Variants in MAGI2 observed in about 807,000 individuals in gnomAD.
MAGI2 encodes the protein membrane-associated guanylate kinase, WW and PDZ domain-containing protein 2.
Under a neutral mutation model 133.3 loss-of-function variants are expected in MAGI2, and 35 were observed. The ratio of observed to expected loss-of-function variants is 0.26; its 90% CI spans 0.20 to 0.35. MAGI2 has a LOEUF of 0.35. Ranked by LOEUF, MAGI2 falls within the 10% of genes least tolerant of loss-of-function variation. The pLI is 1.00. For missense variants in MAGI2, 1,636 were observed against 1,863.4 expected (o/e 0.88, Z 2.25); for synonymous variants, 729 against 710.6 (o/e 1.03, Z -0.41).
intron 1 of MAGI2, among the ~76,000 whole-genome samples, chr7:79,054,696 T>G (rs930547347): frequency 6.6e-6 from 1 of 152,222 alleles, no homozygotes; most frequent in African/African-American, 2.4e-5. Flanking sequence ...GCTTTTAGTC[T>G]CTGAAAAACC....
At chr7:78,456,524 A>T (rs1482742524) in intron 6 of MAGI2, among the ~76,000 whole-genome samples, 1 of 152,198 alleles carries the variant, frequency 6.6e-6, no homozygotes, top group African/African-American at 2.4e-5. Context: ...CATTACTAAG[A>T]CCCAATCTAT....
At chr7:78,546,960 A>C (rs1417908046) in intron 3 of MAGI2, among the ~76,000 whole-genome samples, 1 of 152,182 alleles carries the variant, frequency 6.6e-6, no homozygotes, top group Non-Finnish European at 1.5e-5. Flanking sequence ...CCAAGACTTG[A>C]AGTATTAACA....
chr7:78,575,545 T>A (rs1802179772), intron 3 of MAGI2, among the ~76,000 whole-genome samples: 1 of 152,150 alleles, frequency 6.6e-6, no homozygotes, highest in Admixed American at 6.6e-5. Flanking sequence ...GGAAATCACC[T>A]TACAGTAAAG....
At chr7:78,557,571 A>T (rs114663490) in intron 3 of MAGI2, among the ~76,000 whole-genome samples, 2,935 of 152,074 alleles carry the variant, frequency 0.019, 99 homozygotes, top group African/African-American at 0.068. Flanking sequence ...GGGCTTCTCC[A>T]CTCTTCTAGC....
intron 1 of MAGI2, among the ~76,000 whole-genome samples, chr7:79,346,736 A>C (rs1355310896): frequency 1.3e-5 from 2 of 151,902 alleles, no homozygotes; most frequent in African/African-American, 4.8e-5. Flanking sequence ...AATACTTTCC[A>C]TTCCTATGGC....
chr7:79,223,797 T>G (rs1294677753), intron 1 of MAGI2, among the ~76,000 whole-genome samples: 1 of 152,088 alleles, frequency 6.6e-6, no homozygotes, highest in Non-Finnish European at 1.5e-5. Flanking sequence ...ACCTCTATTC[T>G]TCTCATTACA....
In MAGI2 at chr7:78,909,724, G is replaced by A. The variant is rs1012523393; in HGVS notation, c.418+97366C>T. 2.1e-4 allele frequency among the ~76,000 whole-genome samples: 32 copies of A among 151,904 alleles called. 2 individuals are homozygous for A. ...ATTAGTTCAACCATTGTGGAAGACA[G>A]TGTGATTTCTCAAGGACCTAGAACC... is the stretch of plus-strand genomic sequence containing the variant. On this transcript the variant is annotated intron_variant, in intron 2 of 21. Transcript: ENST00000354212.
Position 79,010,262 on chromosome 7 carries a change from A to ATATG in MAGI2, c.302-3060_302-3057dup, listed in dbSNP as rs574717986. 3.2e-4 allele frequency among the ~76,000 whole-genome samples: 48 copies of ATATG among 151,910 alleles called. No individual in the cohort carries two copies. In the South Asian group the frequency reaches 4.1e-3, roughly 13 times the overall value. On this transcript the variant is annotated intron_variant, in intron 1 of 21. Transcript: ENST00000354212. The stretch of plus-strand genomic sequence containing the variant: ...ATGTATGTATGTGTGATACATGTGT[A>ATATG]TATGTATGTATGTATGTATATATAA...
Position 78,468,249 on chromosome 7 carries a change from A to G in MAGI2, c.1045+21512T>C, listed in dbSNP as rs966068267. ...GAAAGATTCTATAACATAACCTGAC[A>G]CATAGTAGAGAAATAATGGTTCCCT... On this transcript the variant is annotated intron_variant, in intron 6 of 21. Transcript: ENST00000354212. Among the ~76,000 whole-genome samples, 121 of 152,290 alleles carry G rather than the reference A, an allele frequency of 7.9e-4. 1 individual carries two copies. The highest frequency in any genetic ancestry group is 2.6e-3 in the African/African-American group (109 of 41,578).
In MAGI2 at chr7:78,125,880, A is replaced by G. The variant is rs2023946; in HGVS notation, c.3424-43T>C. On this transcript the variant is annotated intron_variant, in intron 19 of 21. Coordinates refer to ENST00000354212, the MANE Select transcript of MAGI2 (RefSeq NM_012301.4). ...AAATGGAATAAATAATTATTTAGTT[A>G]TCAGAGAAGCTTCTGTGGCTAGTCT... The G allele has an allele frequency of 0.23, 370,596 of 1,589,500 alleles. 43,631 individuals are homozygous for G. Among genetic ancestry groups the G allele is most frequent in the Admixed American group, 0.29 (17,227 of 59,570 alleles).
chr7:79,123,391 G>A (rs181264288), intron 1 of MAGI2, among the ~76,000 whole-genome samples: 39 of 152,242 alleles, frequency 2.6e-4, no homozygotes, highest in Admixed American at 2.1e-3. Context: ...TTTACCAGCT[G>A]CATGAACTTG....
At chr7:78,309,822 A>G (rs1464952598) in intron 9 of MAGI2, among the ~76,000 whole-genome samples, 1 of 144,566 alleles carries the variant, frequency 6.9e-6, no homozygotes, top group Non-Finnish European at 1.5e-5. Flanking sequence ...AACCTCTGTG[A>G]GGCTCAGACC....
chr7:79,090,950 T>A (rs190562574), intron 1 of MAGI2, among the ~76,000 whole-genome samples: 1 of 152,106 alleles, frequency 6.6e-6, no homozygotes, highest in Admixed American at 6.6e-5. Flanking sequence ...GCACCTAGTT[T>A]GTCTTCTTAC....
At chr7:78,302,248 A>T (rs556432566) in intron 9 of MAGI2, among the ~76,000 whole-genome samples, 7 of 152,352 alleles carry the variant, frequency 4.6e-5, no homozygotes, top group African/African-American at 1.7e-4. Flanking sequence ...TCATATGCCA[A>T]ACTCAGTAGA....
At chr7:78,194,208 C>G (rs2150736371) in intron 12 of MAGI2, among the ~76,000 whole-genome samples, 1 of 152,302 alleles carries the variant, frequency 6.6e-6, no homozygotes, top group African/African-American at 2.4e-5. Flanking sequence ...TAGAAAGAAG[C>G]ACAACAATGG....
chr7:78,544,955 G>A (rs1353886930), intron 3 of MAGI2, among the ~76,000 whole-genome samples: 14 of 151,150 alleles, frequency 9.3e-5, no homozygotes. Flanking sequence ...CACCGCACCT[G>A]GCCTGTATCT....
intron 3 of MAGI2, among the ~76,000 whole-genome samples, chr7:78,609,295 CAT>C (rs1366701691): frequency 6.6e-6 from 1 of 152,068 alleles, no homozygotes; most frequent in African/African-American, 2.4e-5. Flanking sequence ...AACTTGAAGC[CAT>C]ATATATCTCC....
At chr7:78,193,063 T>C (rs770571337) in intron 12 of MAGI2, among the ~76,000 whole-genome samples, 3 of 152,168 alleles carry the variant, frequency 2.0e-5, no homozygotes, top group Non-Finnish European at 4.4e-5. Context: ...AGAAACAGTA[T>C]TGCAGGGGCT....
At chr7:78,613,614 A>G (rs939679645) in intron 3 of MAGI2, among the ~76,000 whole-genome samples, 4 of 152,218 alleles carry the variant, frequency 2.6e-5, no homozygotes, top group African/African-American at 9.6e-5. Flanking sequence ...TAGAAACAAA[A>G]CACGTGAAAG....
Sources: allele counts gnomAD v4.1 joint callset (sites outside exome capture counted in the v4.1 genomes callset), GRCh38; gene constraint gnomAD v4.1.1; transcripts MANE v1.5; gene names NCBI Gene and HGNC (gene_info 2026-07-23, HGNC 2026-07-21).